Variants in KAT6B observed in about 807,000 individuals in gnomAD.
KAT6B encodes lysine acetyltransferase 6B.
A neutral mutation model predicts 187.5 loss-of-function variants in KAT6B; 10 were observed. The ratio of observed to expected loss-of-function variants is 0.05; its 90% CI spans 0.03 to 0.09. KAT6B has a LOEUF of 0.09. Ranked by LOEUF, KAT6B falls within the 10% of genes least tolerant of loss-of-function variation. The pLI is 1.00. For synonymous variants in KAT6B, 861 were observed against 926.8 expected, an observed-to-expected ratio of 0.93 and a Z score of 1.29; for missense variants, 1,952 against 2,558.9, an observed-to-expected ratio of 0.76 and a Z score of 5.12.
intron 3 of KAT6B, among the ~76,000 whole-genome samples, chr10:74,866,722 T>C (rs1403911274): frequency 6.6e-6 from 1 of 152,250 alleles, no homozygotes; most frequent in African/African-American, 2.4e-5. Context: ...GCTCTGAGCC[T>C]GAGGCCTGCT....
Position 75,031,043 on chromosome 10 carries a change from G to A in KAT6B, c.6219G>A (p.Arg2073=). 14 of 1,614,084 alleles carry A rather than the reference G, an allele frequency of 8.7e-6. No homozygotes were observed. The highest frequency in any genetic ancestry group is 1.7e-5 in the Admixed American group (1 of 60,008). The change falls in exon 18 of 18, where the codon AGG becomes AGA. Residue 2073 remains arginine, a synonymous_variant. Coordinates refer to ENST00000287239, the MANE Select transcript of KAT6B (RefSeq NM_012330.4). ...CTCTCAATGGCTCCTACATGAGAAG[G>A]TAGACAACGTGGGCAGTCCACAAAA... ...KQSLNGSYMR[R]
intron 14 of KAT6B, 151 bp from the exon 15 acceptor site, chr10:75,020,974 TG>T: frequency 1.0e-6 from 1 of 963,316 alleles, no homozygotes; most frequent in Non-Finnish European, 1.6e-6. Context: ...ACTTTTTTAC[TG>T]GTTGGATTCC....
chr10:74,871,703 A>G (rs569904064), intron 3 of KAT6B, among the ~76,000 whole-genome samples: 17 of 152,280 alleles, frequency 1.1e-4, no homozygotes, highest in South Asian at 6.2e-4. Flanking sequence ...CACTCACTCT[A>G]AGGGGAGCAT....
chr10:75,007,067 C>CA (rs888030380), intron 13 of KAT6B, among the ~76,000 whole-genome samples: 2,148 of 66,812 alleles, frequency 0.032, 57 homozygotes, highest in African/African-American at 0.096. Flanking sequence ...GACTCCATCT[C>CA]AAAAAAAAAA....
chr10:74,899,248 AATT>A (rs67324777), intron 3 of KAT6B, among the ~76,000 whole-genome samples: 11,047 of 142,244 alleles, frequency 0.078, 668 homozygotes, highest in African/African-American at 0.17. Context: ...ATTCTAAATG[AATT>A]ATTATTATTA....
chr10:74,925,804 A>C (rs1159259065), intron 3 of KAT6B, among the ~76,000 whole-genome samples: 1 of 152,236 alleles, frequency 6.6e-6, no homozygotes, highest in South Asian at 2.1e-4. Context: ...TTTATAATAC[A>C]GTGCCTGATA....
chr10:74,875,627 G>A lies in KAT6B; in HGVS notation c.621+32149G>A, dbSNP rs143813793. ...ATTACAGATGTACGCCACCACACCC[G>A]GCTAATTTTTGTATTTTTAGTAGAG... is the stretch of plus-strand genomic sequence containing the variant. On this transcript the variant is annotated intron_variant, in intron 3 of 17. Transcript: ENST00000287239. Among the ~76,000 whole-genome samples the A allele has an allele frequency of 6.9e-4, 105 of 151,912 alleles. 2 individuals are homozygous for A. The East Asian group carries it at 0.017, about 25-fold the overall frequency.
At chr10:74,968,432 G>T (rs1841626950) in intron 4 of KAT6B, among the ~76,000 whole-genome samples, 1 of 151,630 alleles carries the variant, frequency 6.6e-6, no homozygotes, top group Non-Finnish European at 1.5e-5. Context: ...AACGGTATTG[G>T]TGATTGATTT....
Position 75,032,318 on chromosome 10 carries a change from G to T in KAT6B, c.*1272G>T. The T allele has an allele frequency of 5.2e-6, 1 of 193,530 alleles. No homozygotes were observed. The highest frequency in any genetic ancestry group is 1.1e-5 in the Non-Finnish European group (1 of 92,556). The allele number at this position is 193,530 out of a possible 1,614,324, so 12.0% of individuals were successfully genotyped here. A position where few individuals can be genotyped will look rare whatever the true frequency, so the allele number is the denominator to read the frequency against. On this transcript the variant is annotated 3_prime_UTR_variant, in exon 18 of 18. Coordinates refer to ENST00000287239, the MANE Select transcript of KAT6B (RefSeq NM_012330.4). ...AGCCTCTTGTGTCCTGTCATATTAT[G>T]ATTGATAGAGAATGACCAATGGAAC...
Position 74,942,804 on chromosome 10 carries a change from T to G in KAT6B, c.622-17166T>G, listed in dbSNP as rs183114892. Among the ~76,000 whole-genome samples, 3 of 132,930 alleles carry G rather than the reference T, an allele frequency of 2.3e-5. No homozygotes were observed. In the East Asian group the frequency reaches 6.8e-4, roughly 30 times the overall value. The allele number at this position is 132,930 out of a possible 152,430, so 87.2% of individuals were successfully genotyped here. On this transcript the variant is annotated intron_variant, in intron 3 of 17. Coordinates refer to ENST00000287239, the MANE Select transcript of KAT6B (RefSeq NM_012330.4). ...AAAAAAAAAAAAAAGCCATAGCTAA[T>G]GTCATTATTAACAGTGAAAGACTAA...
In KAT6B at chr10:74,975,858, A is replaced by G. The variant is rs1749330685; in HGVS notation, c.1521A>G (p.Ser507=). 1.2e-6 allele frequency: 2 copies of G among 1,614,052 alleles called. No individual in the cohort carries two copies. Among genetic ancestry groups the G allele is most frequent in the African/African-American group, 1.3e-5 (1 of 75,020 alleles). ...PTPISGQSPS[S]QKSSTATSSP... ...CCATCTCCGGTCAGAGCCCCAGTTC[A>G]CAAAAGTCCAGCACGGCCACTTCTT... The change falls in exon 8 of 18, where the codon TCA becomes TCG. Residue 507 remains serine, a synonymous_variant. Coordinates refer to ENST00000287239, the MANE Select transcript of KAT6B (RefSeq NM_012330.4).
intron 3 of KAT6B, among the ~76,000 whole-genome samples, chr10:74,881,908 C>T (rs1844877840): frequency 6.6e-6 from 1 of 152,230 alleles, no homozygotes; most frequent in Admixed American, 6.5e-5. Flanking sequence ...CCTCCTGCCT[C>T]AGCCTCCCAA....
At position 74,960,046 on chromosome 10, in the gene KAT6B, A is replaced by G. The variant is rs1371478646; in HGVS notation, c.698A>G (p.Glu233Gly). 1.9e-6 allele frequency: 3 copies of G among 1,612,706 alleles called. No homozygotes were observed. In the African/African-American group the frequency reaches 4.0e-5, roughly 22 times the overall value. The change falls in exon 4 of 18, where the codon GAA (glutamate) becomes GGA (glycine). Residue 233 changes from glutamate to glycine, a missense_variant. Glu to Gly is a moderately conservative substitution (Grantham distance 98). This residue lies in a region of KAT6B where 218 missense variants were observed against 282.6 expected (regional missense o/e 0.77). Coordinates refer to ENST00000287239, the MANE Select transcript of KAT6B (RefSeq NM_012330.4). ...KESNREKKPE[E>G]LLSCADCGSS... ...TCAAATCGTGAAAAGAAACCAGAAG[A>G]ACTCCTCTCTTGTGCAGATTGTGGC...
intron 3 of KAT6B, among the ~76,000 whole-genome samples, chr10:74,886,768 C>T (rs753933838): frequency 6.6e-6 from 1 of 152,196 alleles, no homozygotes; most frequent in East Asian, 1.9e-4. Context: ...TGTGTTCCCA[C>T]CAACCTCTGA....
chr10:74,933,383 T>A (rs1237035295), intron 3 of KAT6B, among the ~76,000 whole-genome samples: 1 of 152,206 alleles, frequency 6.6e-6, no homozygotes, highest in African/African-American at 2.4e-5. Flanking sequence ...CGAAGAGATG[T>A]AGGTCACCGT....
chr10:74,919,241 TA>T (rs1053797547), intron 3 of KAT6B, among the ~76,000 whole-genome samples: 1 of 151,812 alleles, frequency 6.6e-6, no homozygotes, highest in African/African-American at 2.4e-5. Flanking sequence ...TATATATATA[TA>T]TTTTTTTCCT....
At chr10:74,947,595 C>T (rs1213578375) in intron 3 of KAT6B, among the ~76,000 whole-genome samples, 5 of 152,156 alleles carry the variant, frequency 3.3e-5, no homozygotes, top group Admixed American at 1.3e-4. Context: ...AAGAGCTCAC[C>T]ATGTACTAAG....
intron 13 of KAT6B, among the ~76,000 whole-genome samples, chr10:75,007,033 A>G (rs1162940297): frequency 1.3e-5 from 2 of 150,064 alleles, no homozygotes. Flanking sequence ...GTGCCACTGT[A>G]CTCCAGCCTG....
chr10:74,978,042 T>C (rs1333315221), intron 9 of KAT6B, among the ~76,000 whole-genome samples: 2 of 152,228 alleles, frequency 1.3e-5, no homozygotes, highest in East Asian at 3.8e-4. Flanking sequence ...AATTGTGAAT[T>C]TGTTGTGTCA....
Sources: allele counts gnomAD v4.1 joint callset (sites outside exome capture counted in the v4.1 genomes callset), GRCh38; gene constraint gnomAD v4.1.1; regional missense constraint gnomAD v4.1.1; transcripts MANE v1.5; gene names NCBI Gene and HGNC (gene_info 2026-07-23, HGNC 2026-07-21).